The following DPF3 variants were observed in gnomAD, a reference collection of about 807,000 sequenced individuals.
The protein encoded by DPF3 is zinc finger protein DPF3.
In DPF3, 18 loss-of-function variants were observed where a neutral mutation model predicts 56.8. The ratio of observed to expected loss-of-function variants is 0.32; its 90% CI spans 0.22 to 0.47. The LOEUF (loss-of-function observed/expected upper bound fraction) is 0.47. Ranked by LOEUF, DPF3 falls within the 20% of genes least tolerant of loss-of-function variation. The probability of loss-of-function intolerance (pLI) is 1.00; values close to 1 mark genes in which losing one functional copy is unlikely to be tolerated. For synonymous variants in DPF3, 188 were observed against 180.2 expected (o/e 1.04, Z -0.35); for missense variants, 403 against 488.8 (o/e 0.82, Z 1.65).
chr14:72,784,407 C>T (rs1015474930), intron 1 of DPF3, among the ~76,000 whole-genome samples: 5 of 152,152 alleles, frequency 3.3e-5, no homozygotes, highest in Non-Finnish European at 5.9e-5. Flanking sequence ...GCCAGGATAA[C>T]GACAAAGGAT....
intron 6 of DPF3, among the ~76,000 whole-genome samples, chr14:72,713,751 C>T (rs1888759371): frequency 6.6e-6 from 1 of 152,198 alleles, no homozygotes; most frequent in Non-Finnish European, 1.5e-5. Flanking sequence ...CATCAAGCTG[C>T]AGGTTTCCCG....
At chr14:72,706,519 C>T (rs1599372587) in intron 6 of DPF3, among the ~76,000 whole-genome samples, 1 of 152,166 alleles carries the variant, frequency 6.6e-6, no homozygotes, top group African/African-American at 2.4e-5. Flanking sequence ...AGTCAGCTTT[C>T]CCACTGTGCC....
At chr14:72,674,779 T>C (rs1886839650) in intron 7 of DPF3, among the ~76,000 whole-genome samples, 1 of 152,230 alleles carries the variant, frequency 6.6e-6, no homozygotes, top group Non-Finnish European at 1.5e-5. Context: ...AAAGAGCCAG[T>C]GCCTGGACCT....
At position 72,663,166 on chromosome 14, in the gene DPF3, C is replaced by CAAAAAAA. The variant is rs56335418; in HGVS notation, c.871+11067_871+11073dup. ...TGTAGCAGGCAGAACTGGGTGTTAG[C>CAAAAAAA]AAAAAAAAAAAAAAAAAATTCCCCT... On this transcript the variant is annotated intron_variant, in intron 8 of 10. Coordinates refer to ENST00000556509, the MANE Select transcript of DPF3 (RefSeq NM_001280542.3). 1.7e-4 allele frequency among the ~76,000 whole-genome samples: 15 copies of CAAAAAAA among 88,546 alleles called. 3 individuals carry two copies. Among genetic ancestry groups the CAAAAAAA allele is most frequent in the East Asian group, 1.2e-3 (2 of 1,736 alleles). The allele number at this position is 88,546 out of a possible 152,430, so 58.1% of individuals were successfully genotyped here.
intron 1 of DPF3, among the ~76,000 whole-genome samples, chr14:72,797,761 G>A (rs11622602): frequency 0.14 from 22,018 of 152,142 alleles, 1,722 homozygotes; most frequent in Middle Eastern, 0.32. Context: ...TGTGGTGATC[G>A]AAAACTAGAC....
chr14:72,790,195 T>C (rs926231956), intron 1 of DPF3, among the ~76,000 whole-genome samples: 1 of 152,170 alleles, frequency 6.6e-6, no homozygotes, highest in African/African-American at 2.4e-5. Context: ...GAGACCAGCC[T>C]GGTCAACAAA....
chr14:72,785,123 C>CA (rs1014420585), intron 1 of DPF3, among the ~76,000 whole-genome samples: 25 of 151,532 alleles, frequency 1.6e-4, no homozygotes, highest in African/African-American at 5.1e-4. Flanking sequence ...CCCGTCTCTA[C>CA]AAAAAAATAA....
chr14:72,836,205 G>A (rs1376409183), intron 1 of DPF3: 21 of 985,678 alleles, frequency 2.1e-5, no homozygotes, highest in Non-Finnish European at 2.5e-5. Context: ...TGAGGACAGA[G>A]CACGGTGTTC....
At chr14:72,655,459 A>G (rs765593668) in intron 8 of DPF3, among the ~76,000 whole-genome samples, 8 of 152,338 alleles carry the variant, frequency 5.3e-5, no homozygotes, top group South Asian at 2.1e-4. Flanking sequence ...CATGCACCAA[A>G]GATGATGTTG....
At chr14:72,879,144 G>A (rs1297582374) in intron 1 of DPF3, among the ~76,000 whole-genome samples, 1 of 152,222 alleles carries the variant, frequency 6.6e-6, no homozygotes, top group Non-Finnish European at 1.5e-5. Context: ...AGCACTTTGG[G>A]AGGCCGAGGC....
intron 5 of DPF3, among the ~76,000 whole-genome samples, chr14:72,715,069 G>C (rs1888855741): frequency 6.6e-6 from 1 of 152,214 alleles, no homozygotes; most frequent in Non-Finnish European, 1.5e-5. Flanking sequence ...CAGTGCACGA[G>C]TGTAGCTACA....
chr14:72,644,156 G>C lies in DPF3; in HGVS notation c.872-14420C>G, dbSNP rs1885644168. ...TCAACACCCTCAAAAAGAAGAAACAGCAATTGCACTGAGCCAACACTGCAT... is the reference window on the plus strand; with the variant it reads ...TCAACACCCTCAAAAAGAAGAAACACCAATTGCACTGAGCCAACACTGCAT... On this transcript the variant is annotated intron_variant, in intron 8 of 10. Transcript: ENST00000556509. Among the ~76,000 whole-genome samples the C allele has an allele frequency of 2.6e-5, 4 of 152,174 alleles. No homozygotes were observed. In the South Asian group the frequency reaches 8.3e-4, roughly 32 times the overall value.
At chr14:72,709,701 GT>G (rs1888573817) in intron 6 of DPF3, among the ~76,000 whole-genome samples, 1 of 152,054 alleles carries the variant, frequency 6.6e-6, no homozygotes, top group African/African-American at 2.4e-5. Flanking sequence ...ATATCCCACT[GT>G]TCGCATCCTA....
At chr14:72,660,946 G>A (rs1886188739) in intron 8 of DPF3, 1 of 535,920 alleles carries the variant, frequency 1.9e-6, no homozygotes, top group Admixed American at 6.4e-5. Flanking sequence ...GCATGGAAGT[G>A]GGAAGAATCA....
chr14:72,799,104 G>A (rs1892761314), intron 1 of DPF3, among the ~76,000 whole-genome samples: 2 of 152,178 alleles, frequency 1.3e-5, no homozygotes. Context: ...CTGGGCAGGT[G>A]GGGCTGAATG....
At chr14:72,785,455 C>A (rs1032985318) in intron 1 of DPF3, among the ~76,000 whole-genome samples, 4 of 152,134 alleles carry the variant, frequency 2.6e-5, no homozygotes, top group Non-Finnish European at 4.4e-5. Context: ...CTTGCCAGAA[C>A]CTTACTCTTG....
intron 8 of DPF3, among the ~76,000 whole-genome samples, chr14:72,643,892 A>G (rs1271436960): frequency 2.6e-5 from 4 of 152,228 alleles, no homozygotes; most frequent in Admixed American, 6.5e-5. Context: ...TCACAAGACT[A>G]TACTACAATC....
At chr14:72,669,809 G>T in intron 8 of DPF3, 1 of 788,604 alleles carries the variant, frequency 1.3e-6, no homozygotes, top group Non-Finnish European at 1.5e-6. Context: ...AGACACTCCA[G>T]CAGCCACTCT....
chr14:72,743,058 C>T (rs992177860), intron 3 of DPF3, among the ~76,000 whole-genome samples: 1 of 152,210 alleles, frequency 6.6e-6, no homozygotes, highest in Non-Finnish European at 1.5e-5. Context: ...CCCCCAACGA[C>T]ATGGGATGGG....
Sources: allele counts gnomAD v4.1 joint callset (sites outside exome capture counted in the v4.1 genomes callset), GRCh38; gene constraint gnomAD v4.1.1; transcripts MANE v1.5; gene names NCBI Gene and HGNC (gene_info 2026-07-23, HGNC 2026-07-21).